The following SOAT1 variants were observed in gnomAD, a reference collection of about 807,000 sequenced individuals.
SOAT1 encodes the protein acyl-coenzyme A:cholesterol acyltransferase 1.
Under a neutral mutation model 69.5 loss-of-function variants are expected in SOAT1, and 55 were observed. The ratio of observed to expected loss-of-function variants is 0.79; its 90% CI spans 0.64 to 0.99. The LOEUF (loss-of-function observed/expected upper bound fraction) is 0.99, where lower values mean the gene tolerates loss of function less well. SOAT1 is among the 50% of genes least tolerant of loss of function. The pLI is 0.00. For missense variants in SOAT1, 580 were observed against 669.3 expected, an observed-to-expected ratio of 0.87 and a Z score of 1.47; for synonymous variants, 231 against 224.7, an observed-to-expected ratio of 1.03 and a Z score of -0.25.
chr1:179,338,428 A>C (rs894012842), intron 5 of SOAT1, among the ~76,000 whole-genome samples: 2 of 152,200 alleles, frequency 1.3e-5, no homozygotes, highest in African/African-American at 4.8e-5. Flanking sequence ...CTCAATAAAA[A>C]AAAGTGTACT....
At chr1:179,312,143 C>A (rs1665239352) in intron 2 of SOAT1, among the ~76,000 whole-genome samples, 1 of 152,166 alleles carries the variant, frequency 6.6e-6, no homozygotes, top group Non-Finnish European at 1.5e-5. Context: ...AGAAATTCAT[C>A]AAGAGGCAGA....
At chr1:179,326,685 GCAGC>G (rs1051502185) in intron 3 of SOAT1, among the ~76,000 whole-genome samples, 1 of 150,614 alleles carries the variant, frequency 6.6e-6, no homozygotes, top group African/African-American at 2.5e-5. Context: ...ACCCTCCCCA[GCAGC>G]TGAGATTACA....
intron 2 of SOAT1, among the ~76,000 whole-genome samples, chr1:179,321,271 AT>A (rs145866272): frequency 3.3e-5 from 5 of 151,420 alleles, no homozygotes; most frequent in African/African-American, 4.9e-5. Context: ...GAGGAATGGC[AT>A]TTTTTTTTAT....
chr1:179,336,803 T>C (rs1401411865), intron 4 of SOAT1, among the ~76,000 whole-genome samples: 1 of 152,154 alleles, frequency 6.6e-6, no homozygotes, highest in African/African-American at 2.4e-5. Flanking sequence ...AAGACCAGCC[T>C]GGCCAAGATG....
intron 5 of SOAT1, among the ~76,000 whole-genome samples, chr1:179,338,664 A>C (rs1479813371): frequency 6.6e-6 from 1 of 152,204 alleles, no homozygotes; most frequent in African/African-American, 2.4e-5. Flanking sequence ...CTTTTCACAT[A>C]AAAGGGAAAA....
intron 3 of SOAT1, among the ~76,000 whole-genome samples, chr1:179,329,105 A>G (rs1665885540): frequency 6.6e-6 from 1 of 151,908 alleles, no homozygotes; most frequent in South Asian, 2.1e-4. Flanking sequence ...TAGCATTTCA[A>G]ATATTGTTTT....
At position 179,325,929 on chromosome 1, in the gene SOAT1, A is replaced by C. The variant is rs964453879; in HGVS notation, c.177+2434A>C. On this transcript the variant is annotated intron_variant, in intron 3 of 15. Coordinates refer to ENST00000367619, the MANE Select transcript of SOAT1 (RefSeq NM_003101.6). ...GGAGGATTAGAAGGAGAAAGTAATG[A>C]ATGAAATAAGGGAAAAGCTGAAAGA... 6.4e-4 allele frequency among the ~76,000 whole-genome samples: 98 copies of C among 152,230 alleles called. 1 individual carries two copies. Among genetic ancestry groups the C allele is most frequent in the Admixed American group, 2.8e-3 (43 of 15,280 alleles).
chr1:179,324,335 G>A (rs1371560951), intron 3 of SOAT1, among the ~76,000 whole-genome samples: 1 of 152,130 alleles, frequency 6.6e-6, no homozygotes, highest in African/African-American at 2.4e-5. Flanking sequence ...CATAGTATTT[G>A]TACTTTCATC....
chr1:179,352,901 A>T (rs535647964), intron 15 of SOAT1, among the ~76,000 whole-genome samples: 1 of 151,696 alleles, frequency 6.6e-6, no homozygotes, highest in Admixed American at 6.6e-5. Flanking sequence ...CACATGTCAG[A>T]TTTTATTCTC....
chr1:179,324,921 G>C (rs1450707605), intron 3 of SOAT1, among the ~76,000 whole-genome samples: 1 of 151,932 alleles, frequency 6.6e-6, no homozygotes, highest in Non-Finnish European at 1.5e-5. Context: ...TCCTGCCTCA[G>C]CCTCCTGAGT....
intron 3 of SOAT1, among the ~76,000 whole-genome samples, chr1:179,334,068 C>T (rs1459994173): frequency 3.3e-5 from 5 of 152,152 alleles, no homozygotes; most frequent in African/African-American, 1.2e-4. Flanking sequence ...TTCATAGTCG[C>T]TGTGATTGTC....
intron 2 of SOAT1, among the ~76,000 whole-genome samples, chr1:179,306,762 C>T (rs955263693): frequency 2.1e-5 from 3 of 139,924 alleles, no homozygotes; most frequent in East Asian, 2.2e-4. Flanking sequence ...ACCCAGGAGG[C>T]GAAGCTTGCA....
In SOAT1 at chr1:179,335,515, C is replaced by G; in HGVS notation, c.187C>G (p.Pro63Ala). Residue 63 changes from proline (P) to alanine (A), a missense_variant, in exon 4 of 16, where the codon CCA becomes GCA. Physicochemically the swap from Pro to Ala is conservative, Grantham distance 27. Coordinates refer to ENST00000367619, the MANE Select transcript of SOAT1 (RefSeq NM_003101.6). ...KLTAEAEELK[P>A]FFMKEVGSHF... ...TGTTTTAAAATTCTAGGAATTGAAG[C>G]CATTTTTTATGAAGGAAGTTGGCAG... 6.2e-7 allele frequency: 1 copy of G among 1,607,826 alleles called. No homozygotes were observed. Among genetic ancestry groups the G allele is most frequent in the South Asian group, 1.1e-5 (1 of 90,042 alleles).
intron 2 of SOAT1, among the ~76,000 whole-genome samples, chr1:179,307,354 G>A (rs1179197913): frequency 2.0e-5 from 3 of 152,204 alleles, no homozygotes; most frequent in Admixed American, 1.3e-4. Flanking sequence ...CAAAACACAT[G>A]CAAGAAGAAA....
At chr1:179,332,113 AT>A (rs1665994406) in intron 3 of SOAT1, among the ~76,000 whole-genome samples, 2 of 152,080 alleles carry the variant, frequency 1.3e-5, no homozygotes, top group Non-Finnish European at 2.9e-5. Flanking sequence ...TGAAAGAGTT[AT>A]TTACCCATAA....
intron 1 of SOAT1, among the ~76,000 whole-genome samples, chr1:179,299,866 GCCTCAGCCTC>G (rs929636264): frequency 2.0e-4 from 28 of 140,194 alleles, no homozygotes; most frequent in African/African-American, 7.2e-4. Flanking sequence ...CCATTCTCCT[GCCTCAGCCTC>G]CCGAGTAGCT....
intron 2 of SOAT1, among the ~76,000 whole-genome samples, chr1:179,309,643 T>TC (rs1665151273): frequency 6.6e-6 from 1 of 151,278 alleles, no homozygotes; most frequent in Non-Finnish European, 1.5e-5. Flanking sequence ...GACCATGTAT[T>TC]TTTTTTCTTT....
intron 15 of SOAT1, among the ~76,000 whole-genome samples, chr1:179,351,721 A>ATTTTTTT (rs71901753): frequency 0.11 from 11,244 of 106,042 alleles, 1,622 homozygotes; most frequent in African/African-American, 0.13. Context: ...GCCCCTTCTA[A>ATTTTTTT]TTTTTTTTTT....
intron 15 of SOAT1, among the ~76,000 whole-genome samples, chr1:179,351,824 A>G (rs1347546666): frequency 6.8e-6 from 1 of 146,852 alleles, no homozygotes; most frequent in East Asian, 2.1e-4. Flanking sequence ...GATTCAAGTG[A>G]TTCTCCTTCC....
Sources: gnomAD v4.1 joint callset for allele counts (sites outside exome capture counted in the v4.1 genomes callset) on GRCh38, gnomAD v4.1.1 for gene constraint, MANE v1.5 for transcripts, NCBI Gene and HGNC (gene_info 2026-07-23, HGNC 2026-07-21) for gene names.